Variants in FUT2 observed in about 807,000 individuals in gnomAD.
The protein encoded by FUT2 is fucosyltransferase 2 (H blood group).
For missense variants in FUT2, 419 were observed against 465.8 expected, an observed-to-expected ratio of 0.90 and a Z score of 0.93; for synonymous variants, 182 against 193.1, an observed-to-expected ratio of 0.94 and a Z score of 0.48.
chr19:48,703,068 A>T lies in FUT2; in HGVS notation c.112A>T (p.Met38Leu). Reference sequence around the variant, plus strand: ...GCAGCGGCTAGCGAAGATTCAAGCCATGTGGGAGTTACCGGTGCAGATACC... The same window carrying T: ...GCAGCGGCTAGCGAAGATTCAAGCCTTGTGGGAGTTACCGGTGCAGATACC... ...VQQRLAKIQA[M>L]WELPVQIPVL... is the part of the protein sequence containing the mutation. Residue 38 changes from methionine (M) to leucine (L), a missense_variant, in exon 2 of 2, where the codon ATG (methionine) becomes TTG (leucine). Coordinates refer to ENST00000425340, the MANE Select transcript of FUT2 (RefSeq NM_000511.6). The T allele has an allele frequency of 6.2e-7, 1 of 1,613,254 alleles. No individual in the cohort carries two copies. Among genetic ancestry groups the T allele is most frequent in the Non-Finnish European group, 8.5e-7 (1 of 1,180,024 alleles).
At chr19:48,700,169 A>G (rs989037368) in intron 1 of FUT2, among the ~76,000 whole-genome samples, 21 of 150,488 alleles carry the variant, frequency 1.4e-4, no homozygotes, top group East Asian at 5.9e-4. Context: ...AAAAAAAAAA[A>G]AAAAAGAAAA....
At chr19:48,697,268 C>T (rs940777742) in intron 1 of FUT2, among the ~76,000 whole-genome samples, 4 of 149,754 alleles carry the variant, frequency 2.7e-5, no homozygotes, top group African/African-American at 9.9e-5. Flanking sequence ...TCGTTTGAAC[C>T]CGGGAGGCGG....
chr19:48,701,303 C>T (rs759069899), intron 1 of FUT2, among the ~76,000 whole-genome samples: 5 of 151,894 alleles, frequency 3.3e-5, no homozygotes, highest in African/African-American at 4.8e-5. Flanking sequence ...CTCAGCCTCC[C>T]GAGTAGCTGG....
chr19:48,705,100 C>CTTTTTTTTTTTTT lies in FUT2; in HGVS notation c.*1117_*1118insTTTTTTTTTTTTT, dbSNP rs1568463036. On this transcript the variant is annotated 3_prime_UTR_variant, in exon 2 of 2. Transcript: ENST00000425340. ...CCCAGAGAGCTCACTGTTTTCTTTTCTTTTTCTTTTCTTTTTTTTTTTTTT... is the reference window on the plus strand; with the variant it reads ...CCCAGAGAGCTCACTGTTTTCTTTTCTTTTTTTTTTTTTTTTTTCTTTTCTTTTTTTTTTTTTT... 5.7e-6 allele frequency: 1 copy of CTTTTTTTTTTTTT among 174,850 alleles called. No homozygotes were observed. The highest frequency in any genetic ancestry group is 4.6e-5 in the African/African-American group (1 of 21,780). 10.8% of individuals were successfully genotyped at this position (174,850 alleles called of 1,614,324 possible).
chr19:48,700,326 T>G (rs1276460234), intron 1 of FUT2, among the ~76,000 whole-genome samples: 1 of 143,164 alleles, frequency 7.0e-6, no homozygotes, highest in Non-Finnish European at 1.5e-5. Flanking sequence ...ACCATTTATT[T>G]TATTTTATTT....
intron 1 of FUT2, 67 bp downstream of exon 1, chr19:48,696,156 G>T: frequency 6.6e-6 from 1 of 152,524 alleles, no homozygotes. Flanking sequence ...CGGAGAGCAG[G>T]GATTTGGGAC....
Position 48,703,484 on chromosome 19 carries a change from G to A in FUT2, c.528G>A (p.Glu176=), listed in dbSNP as rs757115853. 31 of 1,612,918 alleles carry A rather than the reference G, an allele frequency of 1.9e-5. 2 individuals are homozygous for A. In the Admixed American group the frequency reaches 5.0e-4, roughly 26 times the overall value. The change falls in exon 2 of 2, where the codon GAG becomes GAA. Residue 176 remains glutamate (E), a synonymous_variant. Transcript: ENST00000425340. ...TCACCCTGCACGACCACGTGCGGGAGGAGGCCCAGAAGTTCCTGCGGGGCC... is the reference window on the plus strand; with the variant it reads ...TCACCCTGCACGACCACGTGCGGGAAGAGGCCCAGAAGTTCCTGCGGGGCC... ...QEFTLHDHVR[E]EAQKFLRGLQ...
chr19:48,704,988 AGG>A lies in FUT2; in HGVS notation c.*1001_*1002del. The A allele has an allele frequency of 2.4e-6, 1 of 411,186 alleles. No individual in the cohort carries two copies. The allele number at this position is 411,186 out of a possible 1,614,324, so 25.5% of individuals were successfully genotyped here. Reference sequence around the variant, plus strand: ...AGGGGTTGTGTAGGTTGTTCACTGCAGGAAGTCCCCTGGTTAAGAAGGCAAGT... The same window carrying A: ...AGGGGTTGTGTAGGTTGTTCACTGCAAAGTCCCCTGGTTAAGAAGGCAAGT... On this transcript the variant is annotated 3_prime_UTR_variant, in exon 2 of 2. Coordinates refer to ENST00000425340, the MANE Select transcript of FUT2 (RefSeq NM_000511.6).
chr19:48,704,081 C>T lies in FUT2; in HGVS notation c.*93C>T. ...AAGCACATGGTTCCATGAGCAGGAC[C>T]CATCTCTCTTCTGTGAAGATGCGTT... On this transcript the variant is annotated 3_prime_UTR_variant, in exon 2 of 2. Coordinates refer to ENST00000425340, the MANE Select transcript of FUT2 (RefSeq NM_000511.6). 8.5e-7 allele frequency: 1 copy of T among 1,181,550 alleles called. No individual in the cohort carries two copies. The highest frequency in any genetic ancestry group is 2.3e-5 in the East Asian group (1 of 43,154). 73.2% of individuals were successfully genotyped at this position (1,181,550 alleles called of 1,614,324 possible).
intron 1 of FUT2, among the ~76,000 whole-genome samples, chr19:48,700,542 A>G (rs901308081): frequency 1.3e-5 from 2 of 151,934 alleles, no homozygotes; most frequent in Admixed American, 6.6e-5. Flanking sequence ...CGTGTTAGCC[A>G]GGATGGTCTC....
Position 48,703,241 on chromosome 19 carries a change from C to A in FUT2, c.285C>A (p.Ile95=), listed in dbSNP as rs994855043. The change falls in exon 2 of 2, where the codon ATC becomes ATA. Residue 95 remains isoleucine (I), a synonymous_variant. Coordinates refer to ENST00000425340, the MANE Select transcript of FUT2 (RefSeq NM_000511.6). The part of the protein sequence containing the change: ...LAKMNGRPAF[I]PAQMHSTLAP... ...AGATGAACGGGCGGCCCGCCTTCAT[C>A]CCGGCCCAGATGCACAGCACCCTGG... 6.2e-7 allele frequency: 1 copy of A among 1,613,126 alleles called. No individual in the cohort carries two copies. Among genetic ancestry groups the A allele is most frequent in the Middle Eastern group, 1.7e-4 (1 of 6,052 alleles).
intron 1 of FUT2, among the ~76,000 whole-genome samples, chr19:48,700,305 C>T (rs964500065): frequency 6.6e-6 from 1 of 151,690 alleles, no homozygotes; most frequent in South Asian, 2.1e-4. Context: ...TCCATCTTCA[C>T]ATGCTGTGCT....
intron 1 of FUT2, among the ~76,000 whole-genome samples, chr19:48,699,062 A>G (rs1217122291): frequency 6.8e-6 from 1 of 146,100 alleles, no homozygotes; most frequent in Admixed American, 7.1e-5. Flanking sequence ...CACCTATCAC[A>G]AAGTTTGCAG....
At chr19:48,700,152 CAAAAAAAAA>C (rs923397801) in intron 1 of FUT2, among the ~76,000 whole-genome samples, 2 of 45,300 alleles carry the variant, frequency 4.4e-5, no homozygotes, top group Admixed American at 5.7e-4. Context: ...GACTCCATCT[CAAAAAAAAA>C]AAAAAAAAAA....
intron 1 of FUT2, among the ~76,000 whole-genome samples, chr19:48,700,173 A>AAAT (rs2032486187): frequency 6.9e-6 from 1 of 145,984 alleles, no homozygotes; most frequent in Non-Finnish European, 1.5e-5. Context: ...AAAAAAAAAA[A>AAAT]AGAAAAGGAA....
intron 1 of FUT2, among the ~76,000 whole-genome samples, chr19:48,697,328 A>G (rs2032431600): frequency 7.7e-6 from 1 of 130,498 alleles, no homozygotes; most frequent in Admixed American, 8.5e-5. Flanking sequence ...CTGGGGAACA[A>G]GAGCAAAACT....
intron 1 of FUT2, among the ~76,000 whole-genome samples, chr19:48,701,324 G>A (rs866740977): frequency 5.9e-5 from 9 of 151,828 alleles, no homozygotes; most frequent in Non-Finnish European, 8.8e-5. Flanking sequence ...GATTACGGGC[G>A]TCCGCCACCA....
intron 1 of FUT2, chr19:48,696,729 G>A (rs1489208421): frequency 2.0e-5 from 3 of 152,336 alleles, no homozygotes; most frequent in Non-Finnish European, 4.4e-5. Context: ...GAATCCCGGG[G>A]AGGTGCAGGA....
intron 1 of FUT2, chr19:48,696,431 A>G (rs991753655): frequency 6.6e-6 from 1 of 152,332 alleles, no homozygotes; most frequent in Non-Finnish European, 1.5e-5. Flanking sequence ...CCCTGGCAGT[A>G]ATGGTGCAGA....
Sources: gnomAD v4.1 joint callset for allele counts (sites outside exome capture counted in the v4.1 genomes callset) on GRCh38, gnomAD v4.1.1 for gene constraint, MANE v1.5 for transcripts, NCBI Gene and HGNC (gene_info 2026-07-23, HGNC 2026-07-21) for gene names.